Variants in NREP observed in about 807,000 individuals in gnomAD.
NREP encodes the protein neuronal regeneration related protein, also known as neuronal regeneration-related protein.
A neutral mutation model predicts 8.6 loss-of-function variants in NREP; 5 were observed. That is an observed-to-expected ratio of 0.58 (90% CI 0.30 to 1.22). The LOEUF (loss-of-function observed/expected upper bound fraction) is 1.22. Among genes scored for constraint, NREP ranks in the 50% most tolerant of loss-of-function variants. The pLI is 0.07. For missense variants in NREP, 86 were observed against 82.5 expected (o/e 1.04, Z -0.17); for synonymous variants, 27 against 28.0 (o/e 0.96, Z 0.11).
At chr5:111,802,232 G>A (rs1285391344) in intron 2 of NREP, among the ~76,000 whole-genome samples, 1 of 152,154 alleles carries the variant, frequency 6.6e-6, no homozygotes, top group African/African-American at 2.4e-5. Flanking sequence ...TTAGTTGAAA[G>A]TTTAAGTGTG....
chr5:111,832,338 C>T (rs1240823480), intron 2 of NREP, among the ~76,000 whole-genome samples: 1 of 151,970 alleles, frequency 6.6e-6, no homozygotes, highest in African/African-American at 2.4e-5. Flanking sequence ...GACAATATGG[C>T]GAAACCCCAC....
intron 2 of NREP, among the ~76,000 whole-genome samples, chr5:111,814,031 T>G (rs373613585): frequency 2.6e-4 from 39 of 152,088 alleles, no homozygotes; most frequent in Middle Eastern, 3.4e-3. Context: ...ATTTGTATAG[T>G]TTAGAACTGT....
intron 2 of NREP, among the ~76,000 whole-genome samples, chr5:111,883,706 C>A (rs1032269343): frequency 6.6e-5 from 10 of 152,138 alleles, no homozygotes; most frequent in African/African-American, 2.4e-4. Context: ...AACTGAACAA[C>A]CTGCTCCTGA....
At chr5:111,910,433 G>A (rs1162495182) in intron 2 of NREP, among the ~76,000 whole-genome samples, 1 of 151,952 alleles carries the variant, frequency 6.6e-6, no homozygotes, top group African/African-American at 2.4e-5. Flanking sequence ...TTTTTGGGGG[G>A]TACTAGTGGC....
intron 2 of NREP, among the ~76,000 whole-genome samples, chr5:111,949,481 C>T (rs565466555): frequency 6.6e-6 from 1 of 151,902 alleles, no homozygotes; most frequent in African/African-American, 2.4e-5. Flanking sequence ...GATGTTTATG[C>T]TTTTTTTAAA....
intron 2 of NREP, among the ~76,000 whole-genome samples, chr5:111,763,057 G>T (rs1343235480): frequency 6.6e-6 from 1 of 152,170 alleles, no homozygotes; most frequent in South Asian, 2.1e-4. Context: ...TAAGGGAAAG[G>T]AAACCGATTT....
intron 2 of NREP, among the ~76,000 whole-genome samples, chr5:111,746,325 T>C (rs1750000483): frequency 6.6e-6 from 1 of 151,864 alleles, no homozygotes. Context: ...GATAACAAGA[T>C]CAAAACAATT....
chr5:111,844,405 T>C (rs1401685193), intron 2 of NREP, among the ~76,000 whole-genome samples: 1 of 151,716 alleles, frequency 6.6e-6, no homozygotes, highest in Non-Finnish European at 1.5e-5. Flanking sequence ...TTCAAATTAA[T>C]AATTATTTTT....
At chr5:111,782,134 A>G (rs1365192245) in intron 2 of NREP, among the ~76,000 whole-genome samples, 1 of 152,228 alleles carries the variant, frequency 6.6e-6, no homozygotes, top group East Asian at 1.9e-4. Flanking sequence ...ATGGCTTAAT[A>G]AATGGTAGCT....
intron 2 of NREP, among the ~76,000 whole-genome samples, chr5:111,876,244 T>A (rs1753905855): frequency 6.6e-6 from 1 of 152,200 alleles, no homozygotes; most frequent in African/African-American, 2.4e-5. Context: ...TTTTTCAGGC[T>A]GCTTTTGATT....
chr5:111,758,113 G>C (rs1750852662), upstream of NREP: 1 of 985,368 alleles, frequency 1.0e-6, no homozygotes, highest in African/African-American at 1.7e-5. Flanking sequence ...CCTCGGGTCG[G>C]ACCCTGCCCC....
intron 2 of NREP, among the ~76,000 whole-genome samples, chr5:111,865,381 G>A (rs183903197): frequency 4.1e-4 from 63 of 152,226 alleles, no homozygotes; most frequent in African/African-American, 1.3e-3. Context: ...ATCTCCACTC[G>A]TGAACATTGA....
intron 2 of NREP, among the ~76,000 whole-genome samples, chr5:111,805,232 G>A (rs1296211952): frequency 6.6e-6 from 1 of 152,134 alleles, no homozygotes; most frequent in African/African-American, 2.4e-5. Context: ...TATCACCAGT[G>A]GGAATGTAAA....
intron 2 of NREP, among the ~76,000 whole-genome samples, chr5:111,805,327 A>C (rs1005838148): frequency 1.3e-5 from 2 of 152,246 alleles, no homozygotes; most frequent in African/African-American, 4.8e-5. Flanking sequence ...ATTTTACCCT[A>C]AAGTTAAGAC....
intron 2 of NREP, among the ~76,000 whole-genome samples, chr5:111,809,885 G>C (rs953984231): frequency 6.7e-5 from 10 of 148,762 alleles, no homozygotes; most frequent in Non-Finnish European, 1.0e-4. Context: ...GTGTGTGTGT[G>C]TGTGTGTGTG....
chr5:111,788,618 G>T (rs1309584004), intron 2 of NREP, among the ~76,000 whole-genome samples: 1 of 152,174 alleles, frequency 6.6e-6, no homozygotes, highest in Non-Finnish European at 1.5e-5. Flanking sequence ...ACATGGAATG[G>T]AATTTGAATG....
intron 2 of NREP, among the ~76,000 whole-genome samples, chr5:111,747,614 G>A (rs1225183353): frequency 6.6e-6 from 1 of 152,002 alleles, no homozygotes; most frequent in Non-Finnish European, 1.5e-5. Flanking sequence ...CTTTGGCTTG[G>A]CATTTTTATT....
chr5:111,939,225 C>T (rs1755764071), intron 2 of NREP, among the ~76,000 whole-genome samples: 1 of 152,030 alleles, frequency 6.6e-6, no homozygotes, highest in South Asian at 2.1e-4. Context: ...CATTCCTTTA[C>T]AAGACTCATT....
intron 2 of NREP, among the ~76,000 whole-genome samples, chr5:111,886,266 A>G (rs1488845967): frequency 6.6e-6 from 1 of 152,228 alleles, no homozygotes; most frequent in East Asian, 1.9e-4. Flanking sequence ...TCAAAACCGC[A>G]ATGAGATACC....
Sources: gnomAD v4.1 joint callset for allele counts (sites outside exome capture counted in the v4.1 genomes callset) on GRCh38, gnomAD v4.1.1 for gene constraint, MANE v1.5 for transcripts, NCBI Gene and HGNC (gene_info 2026-07-23, HGNC 2026-07-21) for gene names.